The following HDAC9 variants were observed in gnomAD, a reference collection of about 807,000 sequenced individuals.
HDAC9 encodes histone deacetylase 9, also known as MEF-2 interacting transcription repressor (MITR) protein.
A neutral mutation model predicts 139.4 loss-of-function variants in HDAC9; 41 were observed. The ratio of observed to expected loss-of-function variants is 0.29; its 90% CI spans 0.23 to 0.38. HDAC9 has a LOEUF of 0.38. Ranked by LOEUF, HDAC9 falls within the 10% of genes least tolerant of loss-of-function variation. HDAC9 has a pLI of 1.00. For missense variants in HDAC9, 1,147 were observed against 1,297.0 expected (o/e 0.88, Z 1.78); for synonymous variants, 517 against 476.2 (o/e 1.09, Z -1.12).
chr7:18,829,393 A>C (rs1300640897), intron 18 of HDAC9, 68 bp from the exon 19 acceptor site: 1 of 1,302,310 alleles, frequency 7.7e-7, no homozygotes, highest in East Asian at 2.3e-5. Context: ...AAATGCTCTG[A>C]ACATTATTTA....
chr7:18,993,228 TA>T (rs2129352358), intron 25 of HDAC9, among the ~76,000 whole-genome samples: 1 of 151,754 alleles, frequency 6.6e-6, no homozygotes, highest in African/African-American at 2.4e-5. Flanking sequence ...ATGGCAGATA[TA>T]AATAATCCAG....
intron 2 of HDAC9, among the ~76,000 whole-genome samples, chr7:18,198,486 A>G (rs1020045116): frequency 1.4e-4 from 22 of 152,190 alleles, no homozygotes; most frequent in Non-Finnish European, 2.8e-4. Flanking sequence ...TGTGTTTACC[A>G]TACTTCATTC....
At chr7:18,806,516 T>A (rs953778267) in intron 17 of HDAC9, among the ~76,000 whole-genome samples, 4 of 152,194 alleles carry the variant, frequency 2.6e-5, no homozygotes, top group African/African-American at 9.6e-5. Flanking sequence ...ATCCTCATGT[T>A]GTCATTTTTC....
intron 1 of HDAC9, among the ~76,000 whole-genome samples, chr7:18,466,425 A>G (rs886710142): frequency 6.6e-6 from 1 of 152,132 alleles, no homozygotes; most frequent in African/African-American, 2.4e-5. Flanking sequence ...CAAACTCCTT[A>G]ACTCAAGTGA....
chr7:18,869,146 G>A (rs1585188787), intron 21 of HDAC9, among the ~76,000 whole-genome samples: 1 of 132,498 alleles, frequency 7.5e-6, no homozygotes, highest in South Asian at 2.5e-4. Flanking sequence ...CTCACAATTG[G>A]GGTGTGTGTG....
At chr7:18,134,106 T>C (rs1374818060) in intron 1 of HDAC9, among the ~76,000 whole-genome samples, 1 of 151,972 alleles carries the variant, frequency 6.6e-6, no homozygotes, top group Non-Finnish European at 1.5e-5. Flanking sequence ...TGAATAACCT[T>C]GTAGAAGTTT....
At chr7:18,165,660 C>A (rs1704460439) in intron 2 of HDAC9, among the ~76,000 whole-genome samples, 1 of 151,820 alleles carries the variant, frequency 6.6e-6, no homozygotes, top group Non-Finnish European at 1.5e-5. Flanking sequence ...CATGGTGGTG[C>A]ATGCCTGTAG....
intron 2 of HDAC9, among the ~76,000 whole-genome samples, chr7:18,172,397 C>G (rs1193051766): frequency 6.6e-6 from 1 of 152,082 alleles, no homozygotes; most frequent in Non-Finnish European, 1.5e-5. Flanking sequence ...TTTCAAAAAA[C>G]CAGCTCCTGG....
chr7:18,726,838 A>G (rs1007035001), intron 12 of HDAC9, among the ~76,000 whole-genome samples: 1 of 152,086 alleles, frequency 6.6e-6, no homozygotes, highest in Admixed American at 6.6e-5. Flanking sequence ...TGTGTTTGAG[A>G]ATATCTTTTC....
intron 17 of HDAC9, among the ~76,000 whole-genome samples, chr7:18,826,811 T>C (rs1016692600): frequency 6.6e-6 from 1 of 152,022 alleles, no homozygotes; most frequent in African/African-American, 2.4e-5. Flanking sequence ...CTTTAACTCC[T>C]GCCTAGGATG....
intron 1 of HDAC9, among the ~76,000 whole-genome samples, chr7:18,483,191 G>A (rs1354020641): frequency 1.3e-5 from 2 of 152,170 alleles, no homozygotes; most frequent in East Asian, 3.9e-4. Context: ...GTCAACTTTT[G>A]ATTTCTGTGA....
intron 1 of HDAC9, among the ~76,000 whole-genome samples, chr7:18,463,839 A>G (rs1794051860): frequency 1.3e-5 from 2 of 151,920 alleles, no homozygotes; most frequent in Non-Finnish European, 3.0e-5. Context: ...TATGAGTGTA[A>G]TACTTGTCAA....
At chr7:18,257,371 T>TGA (rs763523176) in intron 2 of HDAC9, among the ~76,000 whole-genome samples, 25 of 120,180 alleles carry the variant, frequency 2.1e-4, no homozygotes, top group African/African-American at 9.5e-4. Context: ...TCTCTCTGAC[T>TGA]CTCTCTCTCT....
intron 1 of HDAC9, among the ~76,000 whole-genome samples, chr7:18,366,568 G>T (rs1397222137): frequency 6.6e-6 from 1 of 152,128 alleles, no homozygotes; most frequent in Non-Finnish European, 1.5e-5. Context: ...CTATAAAAGA[G>T]CACAGCTGAG....
At chr7:18,186,438 C>T (rs1164892768) in intron 2 of HDAC9, among the ~76,000 whole-genome samples, 2 of 152,234 alleles carry the variant, frequency 1.3e-5, no homozygotes, top group Non-Finnish European at 2.9e-5. Flanking sequence ...ATGGTGCTTT[C>T]TGGTGCTGGT....
intron 22 of HDAC9, among the ~76,000 whole-genome samples, chr7:18,919,936 C>G (rs1563055955): frequency 6.6e-6 from 1 of 152,084 alleles, no homozygotes; most frequent in East Asian, 1.9e-4. Flanking sequence ...AGCATGATGC[C>G]TCCAGCTTTG....
intron 2 of HDAC9, among the ~76,000 whole-genome samples, chr7:18,503,296 A>C (rs993218386): frequency 6.6e-5 from 10 of 152,278 alleles, no homozygotes; most frequent in Middle Eastern, 3.4e-3. Context: ...TTCTTTTCCC[A>C]GTAAGTTGGC....
chr7:18,476,006 A>G (rs758480173), intron 1 of HDAC9, among the ~76,000 whole-genome samples: 25 of 152,248 alleles, frequency 1.6e-4, no homozygotes, highest in Middle Eastern at 3.4e-3. Context: ...TTGAAACCCA[A>G]CTATGTGTTT....
chr7:18,601,477 C>G (rs1027217377), intron 6 of HDAC9, among the ~76,000 whole-genome samples: 4 of 149,990 alleles, frequency 2.7e-5, no homozygotes, highest in Admixed American at 2.0e-4. Flanking sequence ...TTTTTCATGT[C>G]TTATTGCACT....
Sources: allele counts gnomAD v4.1 joint callset (sites outside exome capture counted in the v4.1 genomes callset), GRCh38; gene constraint gnomAD v4.1.1; transcripts MANE v1.5; gene names NCBI Gene and HGNC (gene_info 2026-07-23, HGNC 2026-07-21).